Variants in CSMD1 observed in about 807,000 individuals in gnomAD.
CSMD1 encodes the protein CUB and Sushi multiple domains 1, also known as CUB and sushi domain-containing protein 1.
CSMD1 carries 213 observed loss-of-function variants against 417.5 expected under a neutral mutation model. The observed-to-expected ratio is 0.51, with a 90% CI of 0.46 to 0.57. The LOEUF (loss-of-function observed/expected upper bound fraction) is 0.57, where lower values mean the gene tolerates loss of function less well. Ranked by LOEUF, CSMD1 falls within the 20% of genes least tolerant of loss-of-function variation. The probability of loss-of-function intolerance (pLI) is 0.00; values close to 1 mark genes in which losing one functional copy is unlikely to be tolerated. For synonymous variants in CSMD1, 2,862 were observed against 1,736.8 expected (o/e 1.65, Z -16.11); for missense variants, 6,923 against 4,529.7 (o/e 1.53, Z -15.17).
intron 38 of CSMD1, among the ~76,000 whole-genome samples, chr8:3,161,550 G>T (rs1433407818): frequency 6.7e-6 from 1 of 149,902 alleles, no homozygotes; most frequent in Non-Finnish European, 1.5e-5. Flanking sequence ...CTGGGAGGCG[G>T]AGCTTGCAGT....
intron 10 of CSMD1, among the ~76,000 whole-genome samples, chr8:3,544,146 G>A (rs1798558704): frequency 6.6e-6 from 1 of 152,110 alleles, no homozygotes; most frequent in Non-Finnish European, 1.5e-5. Flanking sequence ...GTGCTGGGCT[G>A]CATCCCTAGA....
chr8:4,635,662 G>C (rs1169649829), intron 2 of CSMD1, among the ~76,000 whole-genome samples: 1 of 152,072 alleles, frequency 6.6e-6, no homozygotes, highest in African/African-American at 2.4e-5. Flanking sequence ...TAACTCTGCA[G>C]TTTTTATTAC....
At chr8:4,084,508 C>T (rs1485485201) in intron 3 of CSMD1, among the ~76,000 whole-genome samples, 1 of 151,924 alleles carries the variant, frequency 6.6e-6, no homozygotes, top group African/African-American at 2.4e-5. Context: ...CATTTTAATC[C>T]TGTTTTTATT....
intron 3 of CSMD1, among the ~76,000 whole-genome samples, chr8:4,395,834 T>C (rs900519127): frequency 2.6e-5 from 4 of 152,184 alleles, no homozygotes; most frequent in African/African-American, 9.7e-5. Flanking sequence ...ACACATTAAC[T>C]TAGAAAATGA....
chr8:3,464,165 C>G (rs1816671985), intron 12 of CSMD1, among the ~76,000 whole-genome samples: 1 of 152,154 alleles, frequency 6.6e-6, no homozygotes, highest in African/African-American at 2.4e-5. Context: ...AACATGATTT[C>G]TGGAGATGCA....
intron 5 of CSMD1, among the ~76,000 whole-genome samples, chr8:3,866,926 T>C (rs4524823): frequency 0.021 from 3,199 of 152,304 alleles, 39 homozygotes; most frequent in South Asian, 0.053. Flanking sequence ...ACTGGACATA[T>C]GCATGTATGG....
At position 4,974,325 on chromosome 8, in the gene CSMD1, G is replaced by C. The variant is rs1372047387; in HGVS notation, c.85+20007C>G. ...ACAGGCGCAAGATTTTATTTTTGAA[G>C]AGCACAGTCTCACAATGTCTCACAT... On this transcript the variant is annotated intron_variant, in intron 1 of 69. Coordinates refer to ENST00000635120, the MANE Select transcript of CSMD1 (RefSeq NM_033225.6). 4.6e-5 allele frequency among the ~76,000 whole-genome samples: 7 copies of C among 152,056 alleles called. No homozygotes were observed. In the South Asian group the frequency reaches 1.5e-3, roughly 32 times the overall value.
intron 5 of CSMD1, among the ~76,000 whole-genome samples, chr8:3,775,388 C>T (rs996056177): frequency 6.6e-5 from 10 of 152,044 alleles, no homozygotes; most frequent in African/African-American, 2.4e-4. Context: ...GGTAACAGGC[C>T]CAGGTACCTG....
intron 2 of CSMD1, among the ~76,000 whole-genome samples, chr8:4,461,516 A>T (rs968679182): frequency 6.7e-6 from 1 of 150,178 alleles, no homozygotes; most frequent in African/African-American, 2.5e-5. Flanking sequence ...TACAGAGTAG[A>T]AGATGAATAT....
intron 10 of CSMD1, among the ~76,000 whole-genome samples, chr8:3,520,039 T>TAC (rs1554452249): frequency 3.1e-4 from 46 of 147,184 alleles, no homozygotes; most frequent in Non-Finnish European, 4.6e-4. Flanking sequence ...TATATATATA[T>TAC]ACACGTATAG....
chr8:4,479,840 C>A (rs562993861), intron 2 of CSMD1, among the ~76,000 whole-genome samples: 1 of 151,858 alleles, frequency 6.6e-6, no homozygotes, highest in African/African-American at 2.4e-5. Context: ...GGCGCCCACT[C>A]CTTTAGTTCC....
chr8:3,780,595 T>C lies in CSMD1; in HGVS notation c.819-26553A>G, dbSNP rs1004751474. Among the ~76,000 whole-genome samples, 2 of 152,354 alleles carry C rather than the reference T, an allele frequency of 1.3e-5. 1 individual carries two copies. The highest frequency in any genetic ancestry group is 6.8e-3 in the Middle Eastern group (2 of 294). ...TTCACAAATACTAAAGTGCATCTAA[T>C]AATTCACTACAACTGTCATCAAACT... On this transcript the variant is annotated intron_variant, in intron 5 of 69. Coordinates refer to ENST00000635120, the MANE Select transcript of CSMD1 (RefSeq NM_033225.6).
intron 1 of CSMD1, among the ~76,000 whole-genome samples, chr8:4,697,448 G>A (rs1245250978): frequency 2.6e-5 from 4 of 152,102 alleles, no homozygotes; most frequent in Non-Finnish European, 5.9e-5. Flanking sequence ...ACAGAGGCAA[G>A]TTCAATACGT....
chr8:3,535,061 C>T (rs780294883), intron 10 of CSMD1, among the ~76,000 whole-genome samples: 1 of 152,150 alleles, frequency 6.6e-6, no homozygotes, highest in African/African-American at 2.4e-5. Flanking sequence ...CAGTCTCCTG[C>T]CTCAGCCTAC....
chr8:3,612,673 A>C (rs1374384209), intron 8 of CSMD1, among the ~76,000 whole-genome samples: 1 of 152,148 alleles, frequency 6.6e-6, no homozygotes, highest in South Asian at 2.1e-4. Flanking sequence ...ACTTTCAAAT[A>C]AATCATGGAA....
chr8:4,647,829 G>C (rs573372265), intron 1 of CSMD1, among the ~76,000 whole-genome samples: 1 of 152,280 alleles, frequency 6.6e-6, no homozygotes, highest in South Asian at 2.1e-4. Context: ...ATGGGCGTTT[G>C]GGTTGGTTCC....
intron 3 of CSMD1, among the ~76,000 whole-genome samples, chr8:4,204,768 C>T (rs915981541): frequency 6.6e-6 from 1 of 152,116 alleles, no homozygotes; most frequent in East Asian, 1.9e-4. Context: ...AATCCTCCTG[C>T]CTCAGCCTCC....
At chr8:3,268,287 CTATTTTTTTTTTTTTTT>C (rs1434344430) in intron 26 of CSMD1, among the ~76,000 whole-genome samples, 1 of 114,664 alleles carries the variant, frequency 8.7e-6, no homozygotes, top group East Asian at 2.6e-4. Flanking sequence ...GGTTCATTTC[CTATTTTTTTTTTTTTTT>C]TTTTTTTTTT....
intron 3 of CSMD1, among the ~76,000 whole-genome samples, chr8:4,310,361 G>A (rs1435697840): frequency 1.3e-5 from 2 of 152,126 alleles, no homozygotes; most frequent in South Asian, 2.1e-4. Flanking sequence ...TGGTCAAAGG[G>A]TTCACAGACA....
Sources: allele counts gnomAD v4.1 joint callset (sites outside exome capture counted in the v4.1 genomes callset), GRCh38; gene constraint gnomAD v4.1.1; transcripts MANE v1.5; gene names NCBI Gene and HGNC (gene_info 2026-07-23, HGNC 2026-07-21).